Variants in PXDNL observed in about 807,000 individuals in gnomAD.
The protein encoded by PXDNL is probable oxidoreductase PXDNL.
Under a neutral mutation model 150.8 loss-of-function variants are expected in PXDNL, and 145 were observed. The ratio of observed to expected loss-of-function variants is 0.96; its 90% confidence interval spans 0.84 to 1.10. The LOEUF (loss-of-function observed/expected upper bound fraction) is 1.10, where lower values mean the gene tolerates loss of function less well. Among genes scored for constraint, PXDNL ranks in the 50% least tolerant of loss-of-function variants. PXDNL has a pLI of 0.00. For missense variants in PXDNL, 2,087 were observed against 1,873.9 expected (o/e 1.11, Z -2.10); for synonymous variants, 757 against 725.7 (o/e 1.04, Z -0.69).
chr8:51,587,480 T>C (rs1006797705), intron 3 of PXDNL, among the ~76,000 whole-genome samples: 1 of 152,316 alleles, frequency 6.6e-6, no homozygotes, highest in African/African-American at 2.4e-5. Flanking sequence ...CAAAACTCAC[T>C]AGAATTTCAG....
At chr8:51,771,468 G>C (rs1016534271) in intron 1 of PXDNL, among the ~76,000 whole-genome samples, 3 of 152,182 alleles carry the variant, frequency 2.0e-5, no homozygotes, top group Admixed American at 2.0e-4. Context: ...GACACGCAAA[G>C]TGCCCTTTGG....
At chr8:51,689,686 A>G (rs1171904523) in intron 1 of PXDNL, among the ~76,000 whole-genome samples, 1 of 152,182 alleles carries the variant, frequency 6.6e-6, no homozygotes, top group African/African-American at 2.4e-5. Flanking sequence ...AACCAAAACA[A>G]CAGGGAAGTT....
intron 4 of PXDNL, among the ~76,000 whole-genome samples, chr8:51,529,162 A>G (rs1295682665): frequency 1.3e-5 from 2 of 152,226 alleles, no homozygotes; most frequent in African/African-American, 2.4e-5. Context: ...TACACAAGCA[A>G]GATGAAAAAG....
intron 19 of PXDNL, among the ~76,000 whole-genome samples, chr8:51,353,892 G>A (rs929951888): frequency 2.0e-5 from 3 of 152,070 alleles, no homozygotes; most frequent in African/African-American, 7.2e-5. Flanking sequence ...ACTTAACTTT[G>A]ATGTATGCTT....
At chr8:51,375,410 TCTCTA>T (rs1340347862) in intron 17 of PXDNL, among the ~76,000 whole-genome samples, 3 of 152,200 alleles carry the variant, frequency 2.0e-5, no homozygotes, top group African/African-American at 7.2e-5. Context: ...TGTTTTTTTC[TCTCTA>T]CTCTAATGAT....
At chr8:51,370,491 C>T (rs964387108) in intron 19 of PXDNL, among the ~76,000 whole-genome samples, 1 of 152,186 alleles carries the variant, frequency 6.6e-6, no homozygotes, top group Admixed American at 6.5e-5. Context: ...TTCATTATTC[C>T]TGGATCTAAT....
chr8:51,615,160 G>T (rs1286029584), intron 2 of PXDNL, among the ~76,000 whole-genome samples: 4 of 152,064 alleles, frequency 2.6e-5, no homozygotes, highest in African/African-American at 9.7e-5. Context: ...ATTTCCACTA[G>T]CAGTACAACA....
Position 51,413,257 on chromosome 8 carries a change from A to G in PXDNL, c.1797T>C (p.Ala599=), listed in dbSNP as rs758507659. ...CATCGCCAGCTTGTCTACCCTGTATAGCTTTGAAAATCAATTCCATGATTA... is the reference window on the plus strand; with the variant it reads ...CATCGCCAGCTTGTCTACCCTGTATGGCTTTGAAAATCAATTCCATGATTA... The part of the protein sequence containing the change: ...AVTNMFLTVT[A]IQGRQAGDDF... The change falls in exon 15 of 23, where the codon GCT becomes GCC. Residue 599 remains alanine, a splice_region_variant and synonymous_variant. Coordinates refer to ENST00000356297, the MANE Select transcript of PXDNL (RefSeq NM_144651.5). The G allele has an allele frequency of 1.3e-6, 2 of 1,587,064 alleles. No homozygotes were observed. The highest frequency in any genetic ancestry group is 2.2e-5 in the South Asian group (2 of 90,052).
chr8:51,786,486 T>C (rs2037461744), intron 1 of PXDNL, among the ~76,000 whole-genome samples: 2 of 152,108 alleles, frequency 1.3e-5, no homozygotes, highest in Non-Finnish European at 1.5e-5. Context: ...GGAAAAATAT[T>C]CTTGAATCAC....
At chr8:51,761,389 A>G (rs1003503682) in intron 1 of PXDNL, among the ~76,000 whole-genome samples, 1 of 152,170 alleles carries the variant, frequency 6.6e-6, no homozygotes, top group African/African-American at 2.4e-5. Context: ...AATTTCTGCT[A>G]TAAGGGATTA....
chr8:51,638,299 C>G (rs1310714190), intron 2 of PXDNL, among the ~76,000 whole-genome samples: 3 of 152,098 alleles, frequency 2.0e-5, no homozygotes, highest in East Asian at 1.9e-4. Flanking sequence ...CAACTAACGA[C>G]CAAAATAACC....
intron 2 of PXDNL, among the ~76,000 whole-genome samples, chr8:51,610,520 G>A (rs1002676265): frequency 6.6e-6 from 1 of 151,594 alleles, no homozygotes; most frequent in Admixed American, 6.6e-5. Context: ...AACTATTTTA[G>A]GGAGGAGGGT....
At chr8:51,556,558 T>A (rs76034327) in intron 4 of PXDNL, among the ~76,000 whole-genome samples, 1 of 152,190 alleles carries the variant, frequency 6.6e-6, no homozygotes, top group South Asian at 2.1e-4. Flanking sequence ...TATGTGCATT[T>A]CAGGATTTGG....
chr8:51,358,275 G>A (rs1358439415), intron 19 of PXDNL, among the ~76,000 whole-genome samples: 1 of 152,206 alleles, frequency 6.6e-6, no homozygotes, highest in Non-Finnish European at 1.5e-5. Context: ...AAAGACAGGA[G>A]GGGGCTAGCT....
chr8:51,389,416 G>A (rs181696590), intron 17 of PXDNL, among the ~76,000 whole-genome samples: 226 of 152,186 alleles, frequency 1.5e-3, no homozygotes, highest in Non-Finnish European at 1.8e-3. Context: ...AAACCATATT[G>A]CTGCTTCCTC....
intron 1 of PXDNL, among the ~76,000 whole-genome samples, chr8:51,783,695 G>C (rs2037435847): frequency 2.6e-5 from 4 of 152,140 alleles, no homozygotes; most frequent in Non-Finnish European, 5.9e-5. Context: ...TCTAAATTTG[G>C]GGGAAAGGTG....
chr8:51,332,518 T>C (rs1278917930), intron 21 of PXDNL, among the ~76,000 whole-genome samples: 1 of 151,830 alleles, frequency 6.6e-6, no homozygotes, highest in Non-Finnish European at 1.5e-5. Flanking sequence ...AGGTTATTTA[T>C]TAAGCTAATC....
chr8:51,344,799 G>A (rs1806093585), intron 20 of PXDNL, among the ~76,000 whole-genome samples: 1 of 152,132 alleles, frequency 6.6e-6, no homozygotes, highest in Non-Finnish European at 1.5e-5. Context: ...CAATAATCCT[G>A]TAAAGTAGGT....
chr8:51,577,977 AAG>A (rs1349002721), intron 3 of PXDNL, among the ~76,000 whole-genome samples: 3 of 104,226 alleles, frequency 2.9e-5, no homozygotes, highest in African/African-American at 7.4e-5. Context: ...GAAAGAAAGA[AAG>A]AAAGAAAGAA....
Sources: gnomAD v4.1 joint callset for allele counts (sites outside exome capture counted in the v4.1 genomes callset) on GRCh38, gnomAD v4.1.1 for gene constraint, MANE v1.5 for transcripts, NCBI Gene and HGNC (gene_info 2026-07-23, HGNC 2026-07-21) for gene names.